POLH: variants seen among roughly 807,000 people sequenced by gnomAD.
POLH encodes the protein DNA polymerase eta, also known as DNA polymerase eta transcript.
A neutral mutation model predicts 73.6 loss-of-function variants in POLH; 53 were observed. The observed-to-expected ratio is 0.72, with a 90% CI of 0.58 to 0.91. The LOEUF (loss-of-function observed/expected upper bound fraction) is 0.91, where lower values mean the gene tolerates loss of function less well. Ranked by LOEUF, POLH falls within the 40% of genes least tolerant of loss-of-function variation. The pLI is 0.00. For synonymous variants in POLH, 292 were observed against 308.5 expected, an observed-to-expected ratio of 0.95 and a Z score of 0.56; for missense variants, 768 against 865.4, an observed-to-expected ratio of 0.89 and a Z score of 1.41.
chr6:43,610,724 G>T lies in POLH; in HGVS notation c.1244+1G>T, dbSNP rs1395523441. 6.2e-7 allele frequency: 1 copy of T among 1,609,260 alleles called. No homozygotes were observed. Among genetic ancestry groups the T allele is most frequent in the South Asian group, 1.1e-5 (1 of 90,878 alleles). ...ATACTTCTGGAATCCAGACAGAATG[G>T]TGAGTTCTTTTCTAGCTCATCTTCT... On this transcript the variant is annotated splice_donor_variant, in intron 10 of 10. Coordinates refer to ENST00000372236, the MANE Select transcript of POLH (RefSeq NM_006502.3). LOFTEE classifies it high-confidence loss of function.
chr6:43,587,199 G>A (rs1434744340), intron 3 of POLH, 73 bp from the exon 4 acceptor site: 18 of 1,040,516 alleles, frequency 1.7e-5, no homozygotes, highest in Non-Finnish European at 2.4e-5. Context: ...ATTATGGCAG[G>A]GTGGGAGTGG....
In POLH at chr6:43,593,962, T is replaced by G. The variant is rs529273090; in HGVS notation, c.491-3734T>G. On this transcript the variant is annotated intron_variant, in intron 4 of 10. Coordinates refer to ENST00000372236, the MANE Select transcript of POLH (RefSeq NM_006502.3). Reference sequence around the variant, plus strand: ...TTTAACACCAGAACTACCTGAAGTATTTCCTGTAGTCCATTTCATGGTATT... The same window carrying G: ...TTTAACACCAGAACTACCTGAAGTAGTTCCTGTAGTCCATTTCATGGTATT... 2.4e-4 allele frequency among the ~76,000 whole-genome samples: 37 copies of G among 152,162 alleles called. No individual in the cohort carries two copies. The South Asian group carries it at 4.1e-3, about 17-fold the overall frequency.
intron 9 of POLH, among the ~76,000 whole-genome samples, chr6:43,610,285 G>A (rs543628031): frequency 6.6e-6 from 1 of 151,706 alleles, no homozygotes; most frequent in Non-Finnish European, 1.5e-5. Context: ...GGCTAGTCTC[G>A]AACTCCTGAC....
chr6:43,602,843 T>G (rs989647268), intron 6 of POLH, among the ~76,000 whole-genome samples: 1 of 151,526 alleles, frequency 6.6e-6, no homozygotes, highest in East Asian at 2.0e-4. Context: ...AATTTTTGTA[T>G]TTTTAGGAGA....
intron 9 of POLH, among the ~76,000 whole-genome samples, chr6:43,608,642 C>G (rs1198061936): frequency 6.6e-6 from 1 of 152,174 alleles, no homozygotes; most frequent in African/African-American, 2.4e-5. Flanking sequence ...AATCCTCCTG[C>G]CTTAGCCTCC....
intron 3 of POLH, among the ~76,000 whole-genome samples, chr6:43,584,858 A>C (rs761287355): frequency 3.3e-5 from 5 of 152,136 alleles, no homozygotes; most frequent in Non-Finnish European, 7.4e-5. Context: ...GGATACAGAT[A>C]GGTTGGGCAT....
intron 3 of POLH, among the ~76,000 whole-genome samples, chr6:43,585,320 T>G (rs1764676978): frequency 6.6e-6 from 1 of 152,210 alleles, no homozygotes; most frequent in South Asian, 2.1e-4. Flanking sequence ...GGCTCCGTTA[T>G]GTACTCATGA....
intron 4 of POLH, among the ~76,000 whole-genome samples, chr6:43,593,547 G>T (rs1041460473): frequency 1.3e-5 from 2 of 152,162 alleles, no homozygotes; most frequent in African/African-American, 4.8e-5. Flanking sequence ...GGTGTGTGTG[G>T]TGGCAATTCA....
At chr6:43,583,921 CACCAGCCTGGGCAACATAGGG>C (rs1764536344) in intron 3 of POLH, among the ~76,000 whole-genome samples, 1 of 152,128 alleles carries the variant, frequency 6.6e-6, no homozygotes. Flanking sequence ...GAGTCCAGGA[CACCAGCCTGGGCAACATAGGG>C]ACCAGCCTGG....
At chr6:43,587,220 C>A in intron 3 of POLH, 52 bp from the exon 4 acceptor site, 1 of 1,347,016 alleles carries the variant, frequency 7.4e-7, no homozygotes, top group East Asian at 2.3e-5. Context: ...AGCAGACAAT[C>A]TCAAGGTTGC....
At position 43,607,156 on chromosome 6, in the gene POLH, G is replaced by A. The variant is rs562842752; in HGVS notation, c.1074+1837G>A. On this transcript the variant is annotated intron_variant, in intron 9 of 10. Transcript: ENST00000372236. ...TGTCACCAGGCCAGAGTGCAGTAGTGCAGTCTCGGCTCACTGCAACATCCG... is the reference window on the plus strand; with the variant it reads ...TGTCACCAGGCCAGAGTGCAGTAGTACAGTCTCGGCTCACTGCAACATCCG... 2.2e-4 allele frequency among the ~76,000 whole-genome samples: 33 copies of A among 152,328 alleles called. 1 individual carries two copies. The South Asian group carries it at 6.4e-3, about 30-fold the overall frequency.
At chr6:43,591,056 A>G (rs1765410287) in intron 4 of POLH, 1 of 152,056 alleles carries the variant, frequency 6.6e-6, no homozygotes, top group South Asian at 2.1e-4. Flanking sequence ...GAAGCTTGTG[A>G]CTTAAGGAAT....
At chr6:43,581,750 G>A (rs1351085616) in intron 1 of POLH, among the ~76,000 whole-genome samples, 1,697 of 149,002 alleles carry the variant, frequency 0.011, 25 homozygotes, top group African/African-American at 0.04. Context: ...GGGCGTCAGC[G>A]CCGCGACTGT....
At chr6:43,597,950 C>A in intron 5 of POLH, 85 bp downstream of exon 5, 2 of 1,253,496 alleles carry the variant, frequency 1.6e-6, no homozygotes, top group African/African-American at 1.5e-5. Context: ...GAAATTATTA[C>A]ACATAGGCCG....
In POLH at chr6:43,619,453, G is replaced by A. The variant is rs547237497; in HGVS notation, c.*4896G>A. On this transcript the variant is annotated 3_prime_UTR_variant, in exon 11 of 11. Transcript: ENST00000372236. ...CTAACTAGCTATGTAGCTTCTTAAA[G>A]GCAAAGATTCTTCATAGTGCTTTGC... is the stretch of plus-strand genomic sequence containing the variant. Among the ~76,000 whole-genome samples the A allele has an allele frequency of 6.7e-6, 1 of 149,864 alleles. No individual in the cohort carries two copies. Among genetic ancestry groups the A allele is most frequent in the Admixed American group, 6.7e-5 (1 of 15,024 alleles).
intron 5 of POLH, among the ~76,000 whole-genome samples, chr6:43,600,463 A>G (rs1766609391): frequency 6.6e-6 from 1 of 152,058 alleles, no homozygotes; most frequent in Non-Finnish European, 1.5e-5. Context: ...TCATTTTTTA[A>G]GTGCTATTTA....
chr6:43,594,733 C>A (rs1765852756), intron 4 of POLH, among the ~76,000 whole-genome samples: 1 of 152,186 alleles, frequency 6.6e-6, no homozygotes. Context: ...ATCCTCATAA[C>A]AGCTATATGA....
chr6:43,614,053 T>G lies in POLH; in HGVS notation c.1638T>G (p.Asn546Lys). Residue 546 changes from asparagine to lysine, a missense_variant, in exon 11 of 11, where the codon AAT becomes AAG. Coordinates refer to ENST00000372236, the MANE Select transcript of POLH (RefSeq NM_006502.3). ...TTCTAAAGCAGAAACAGCTTAATAATTCTTCAGTTTCTTCCCCCCAACAAA... is the reference window on the plus strand; with the variant it reads ...TTCTAAAGCAGAAACAGCTTAATAAGTCTTCAGTTTCTTCCCCCCAACAAA... The part of the protein sequence containing the change: ...SLLLKQKQLN[N>K]SSVSSPQQNP... 1 of 1,614,218 alleles carries G rather than the reference T, an allele frequency of 6.2e-7. No homozygotes were observed. The highest frequency in any genetic ancestry group is 1.6e-4 in the Middle Eastern group (1 of 6,062).
At chr6:43,590,930 A>C (rs1050459819) in intron 4 of POLH, 11 of 151,248 alleles carry the variant, frequency 7.3e-5, no homozygotes, top group African/African-American at 2.7e-4. Context: ...TGTCTCAAAA[A>C]AAAAAAAGAA....
Sources: allele counts gnomAD v4.1 joint callset (sites outside exome capture counted in the v4.1 genomes callset), GRCh38; gene constraint gnomAD v4.1.1; transcripts MANE v1.5; gene names NCBI Gene and HGNC (gene_info 2026-07-23, HGNC 2026-07-21).